Variants in CACNA1E observed in about 807,000 individuals in gnomAD.
CACNA1E encodes the protein calcium voltage-gated channel subunit alpha1 E.
CACNA1E carries 40 observed loss-of-function variants against 259.2 expected under a neutral mutation model. The observed-to-expected ratio is 0.15, with a 90% CI of 0.12 to 0.20. CACNA1E has a LOEUF of 0.20. Among genes scored for constraint, CACNA1E ranks in the 10% least tolerant of loss-of-function variants. The probability of loss-of-function intolerance (pLI) is 1.00; values close to 1 mark genes in which losing one functional copy is unlikely to be tolerated. For synonymous variants in CACNA1E, 1,104 were observed against 1,138.5 expected (o/e 0.97, Z 0.61); for missense variants, 1,874 against 3,040.1 (o/e 0.62, Z 9.02).
chr1:181,726,217 C>T (rs1654896951), intron 18 of CACNA1E, 55 bp downstream of exon 18: 2 of 1,216,676 alleles, frequency 1.6e-6, no homozygotes, highest in Admixed American at 1.9e-5. Context: ...ACAGCCAATT[C>T]ATCAACTCAC....
At chr1:181,521,988 G>C (rs1486344226) in intron 3 of CACNA1E, among the ~76,000 whole-genome samples, 2 of 152,288 alleles carry the variant, frequency 1.3e-5, no homozygotes, top group East Asian at 3.9e-4. Context: ...TCAGGGCCTC[G>C]TTGGCATGTC....
intron 6 of CACNA1E, among the ~76,000 whole-genome samples, chr1:181,589,184 T>C (rs1652385404): frequency 6.6e-6 from 1 of 152,198 alleles, no homozygotes; most frequent in African/African-American, 2.4e-5. Flanking sequence ...TCCCATGTGA[T>C]TCTGAGGCCA....
rs141595512 is a variant in CACNA1E at position 181,759,190 on chromosome 1, G to A, written c.4605+322G>A. ...GCCAAAGATTGGACTAATAAACTTC[G>A]AGTGCTTATTTACTGGTAAAAGGTA... On this transcript the variant is annotated intron_variant, in intron 32 of 47. Transcript: ENST00000367573. Among the ~76,000 whole-genome samples the A allele has an allele frequency of 1.4e-4, 22 of 152,232 alleles. No homozygotes were observed. The East Asian group carries it at 3.7e-3, about 25-fold the overall frequency.
intron 39 of CACNA1E, 94 bp from the exon 40 acceptor site, chr1:181,783,585 G>A: frequency 1.5e-6 from 1 of 681,480 alleles, no homozygotes; most frequent in Non-Finnish European, 2.6e-6. Flanking sequence ...TTTCGTCTGT[G>A]CATTTGACCT....
intron 30 of CACNA1E, 110 bp from the exon 31 acceptor site, chr1:181,757,837 C>A: frequency 1.7e-6 from 2 of 1,206,508 alleles, no homozygotes; most frequent in Non-Finnish European, 2.4e-6. Flanking sequence ...ACTTGCCCAG[C>A]CCTGCCCTTT....
chr1:181,631,765 T>C (rs770354435), intron 6 of CACNA1E, among the ~76,000 whole-genome samples: 2 of 152,206 alleles, frequency 1.3e-5, no homozygotes, highest in Non-Finnish European at 2.9e-5. Context: ...ATGCCCATTT[T>C]ATTCCCTCAT....
At chr1:181,449,637 T>C (rs1230433057) in intron 2 of CACNA1E, among the ~76,000 whole-genome samples, 1 of 152,210 alleles carries the variant, frequency 6.6e-6, no homozygotes, top group African/African-American at 2.4e-5. Flanking sequence ...TCTTTCTGTT[T>C]GTATCCAGGA....
intron 1 of CACNA1E, among the ~76,000 whole-genome samples, chr1:181,371,900 T>A (rs1654736118): frequency 6.6e-6 from 1 of 152,244 alleles, no homozygotes; most frequent in Non-Finnish European, 1.5e-5. Context: ...GTTGTAGGCA[T>A]GTGACTTTAT....
intron 1 of CACNA1E, among the ~76,000 whole-genome samples, chr1:181,339,667 T>TG (rs11438161): frequency 0.39 from 59,891 of 151,872 alleles, 12,107 homozygotes; most frequent in Non-Finnish European, 0.44. Context: ...CAAACATTTT[T>TG]GTTCTTGACT....
upstream of CACNA1E, among the ~76,000 whole-genome samples, chr1:181,480,614 G>A (rs111583510): frequency 2.0e-5 from 3 of 152,284 alleles, no homozygotes; most frequent in Non-Finnish European, 4.4e-5. Context: ...GAGACAAGTC[G>A]GGGATCTCTG....
chr1:181,390,287 G>A (rs1322281540), intron 1 of CACNA1E, among the ~76,000 whole-genome samples: 1 of 150,012 alleles, frequency 6.7e-6, no homozygotes, highest in Admixed American at 6.6e-5. Flanking sequence ...TTACCCAGGA[G>A]AGGAGAGGAG....
rs760864328 is a variant in CACNA1E at position 181,718,009 on chromosome 1, G to A, written c.1526-46G>A. On this transcript the variant is annotated intron_variant, in intron 11 of 47. Coordinates refer to ENST00000367573, the MANE Select transcript of CACNA1E (RefSeq NM_001205293.3). The stretch of plus-strand genomic sequence containing the variant: ...GGTGTGTTAGCTGAGAAGTGCATGA[G>A]CCCACCCCACATGTGGAACCAATGC... 5.4e-6 allele frequency: 5 copies of A among 928,592 alleles called. No individual in the cohort carries two copies. The South Asian group carries it at 5.6e-5, about 10-fold the overall frequency. 57.5% of individuals were successfully genotyped at this position (928,592 alleles called of 1,614,324 possible).
chr1:181,710,936 T>A lies in CACNA1E; in HGVS notation c.1056-18T>A. On this transcript the variant is annotated intron_variant, in intron 7 of 47. Coordinates refer to ENST00000367573, the MANE Select transcript of CACNA1E (RefSeq NM_001205293.3). Reference sequence around the variant, plus strand: ...GGCCCTGTCCAAACCCAGTGAATCTTATCCTTCTTGTCCACAGGGAATTTG... The same window carrying A: ...GGCCCTGTCCAAACCCAGTGAATCTAATCCTTCTTGTCCACAGGGAATTTG... 1 of 1,563,454 alleles carries A rather than the reference T, an allele frequency of 6.4e-7. No homozygotes were observed. The highest frequency in any genetic ancestry group is 8.8e-7 in the Non-Finnish European group (1 of 1,134,262).
intron 6 of CACNA1E, among the ~76,000 whole-genome samples, chr1:181,647,827 G>A (rs898335188): frequency 3.3e-5 from 5 of 152,152 alleles, no homozygotes; most frequent in Non-Finnish European, 5.9e-5. Context: ...CTGACCCGTG[G>A]ACAAACATGC....
At chr1:181,615,751 T>C (rs1459686217) in intron 6 of CACNA1E, among the ~76,000 whole-genome samples, 1 of 152,244 alleles carries the variant, frequency 6.6e-6, no homozygotes, top group African/African-American at 2.4e-5. Context: ...TCTCTTATTA[T>C]ACTGGCTAGG....
In CACNA1E at chr1:181,423,662, A is replaced by ATTTTTTT. The variant is rs11302089; in HGVS notation, c.434+10092_434+10098dup. 5.9e-4 allele frequency among the ~76,000 whole-genome samples: 77 copies of ATTTTTTT among 131,046 alleles called. 2 individuals carry two copies. The highest frequency in any genetic ancestry group is 2.3e-3 in the African/African-American group (74 of 32,862). 86.0% of individuals were successfully genotyped at this position (131,046 alleles called of 152,430 possible). On this transcript the variant is annotated intron_variant, in intron 2 of 11. Transcript: ENST00000524607. ...GGTGAATTTAAGGGCCATTGGGCCA[A>ATTTTTTT]TTTTTTTTTTTTTTTTGCTGGCCTT...
chr1:181,342,624 G>T (rs943606860), intron 1 of CACNA1E, among the ~76,000 whole-genome samples: 10 of 152,264 alleles, frequency 6.6e-5, no homozygotes, highest in South Asian at 4.1e-4. Context: ...TCAAGTTCCA[G>T]CCAAAACCCA....
At chr1:181,725,037 C>T (rs567370740) in intron 17 of CACNA1E, among the ~76,000 whole-genome samples, 3 of 152,322 alleles carry the variant, frequency 2.0e-5, no homozygotes, top group Middle Eastern at 3.4e-3. Flanking sequence ...CTAAATTTCT[C>T]ACAGAACTGT....
At chr1:181,496,005 C>A (rs1235256004) in intron 1 of CACNA1E, among the ~76,000 whole-genome samples, 1 of 152,104 alleles carries the variant, frequency 6.6e-6, no homozygotes, top group South Asian at 2.1e-4. Context: ...AACTCATTTC[C>A]CTGAGATCGC....
Sources: gnomAD v4.1 joint callset for allele counts (sites outside exome capture counted in the v4.1 genomes callset) on GRCh38, gnomAD v4.1.1 for gene constraint, MANE v1.5 for transcripts, NCBI Gene and HGNC (gene_info 2026-07-23, HGNC 2026-07-21) for gene names.